The following GPHN variants were observed in gnomAD, a reference collection of about 807,000 sequenced individuals.
GPHN encodes the protein gephyrin.
In GPHN, 17 loss-of-function variants were observed where a neutral mutation model predicts 95.5. The ratio of observed to expected loss-of-function variants is 0.18; its 90% CI spans 0.12 to 0.27. GPHN has a LOEUF of 0.27. GPHN is among the 10% of genes least tolerant of loss of function. The probability of loss-of-function intolerance (pLI) is 1.00; values close to 1 mark genes in which losing one functional copy is unlikely to be tolerated. For synonymous variants in GPHN, 320 were observed against 322.5 expected (o/e 0.99, Z 0.08); for missense variants, 660 against 978.1 (o/e 0.67, Z 4.34).
At chr14:67,307,828 A>G in the GPHN span, among the ~76,000 whole-genome samples, 2 of 152,182 alleles carry the variant, frequency 1.3e-5, no homozygotes, top group African/African-American at 4.8e-5. Flanking sequence ...TGTGGAATCA[A>G]CCTAAATGCC....
chr14:67,726,197 ATCTTT>A, the GPHN span: 2 of 1,140,810 alleles, frequency 1.8e-6, no homozygotes, highest in African/African-American at 3.0e-5. Flanking sequence ...TACACCCACT[ATCTTT>A]TCTTTAGGAA....
At chr14:66,837,503 G>A (rs1383839733) in intron 4 of GPHN, among the ~76,000 whole-genome samples, 1 of 149,052 alleles carries the variant, frequency 6.7e-6, no homozygotes, top group Admixed American at 6.7e-5. Context: ...TAGATGACGA[G>A]TTAGTGGGTG....
the GPHN span, chr14:67,600,328 G>C: frequency 3.8e-6 from 3 of 789,018 alleles, no homozygotes; most frequent in East Asian, 3.1e-5. Context: ...AGCCTGCGCA[G>C]CCTCAGTTGC....
At chr14:66,969,816 AAAAG>A (rs1405750710) in intron 9 of GPHN, 8 of 151,714 alleles carry the variant, frequency 5.3e-5, no homozygotes, top group East Asian at 3.8e-4. Context: ...AAAAAAAAAA[AAAAG>A]AAAGAAAGGA....
chr14:67,364,704 T>C, the GPHN span: 30 of 1,481,342 alleles, frequency 2.0e-5, no homozygotes, highest in African/African-American at 4.2e-4. Context: ...GATGTGGAAA[T>C]TGATTTTTTT....
At chr14:67,477,617 A>G in the GPHN span, among the ~76,000 whole-genome samples, 1 of 151,928 alleles carries the variant, frequency 6.6e-6, no homozygotes, top group Non-Finnish European at 1.5e-5. Context: ...CAGGCATCCC[A>G]AACTCCTTTC....
chr14:66,745,379 A>G (rs1177099835), intron 2 of GPHN, among the ~76,000 whole-genome samples: 1 of 152,050 alleles, frequency 6.6e-6, no homozygotes, highest in Non-Finnish European at 1.5e-5. Context: ...CCCTAAAATT[A>G]AGGACATTGT....
intron 5 of GPHN, among the ~76,000 whole-genome samples, chr14:66,892,484 T>G (rs560296205): frequency 2.8e-4 from 43 of 152,316 alleles, no homozygotes; most frequent in Admixed American, 1.4e-3. Flanking sequence ...ACATCATTAT[T>G]CACCTTACCC....
At chr14:67,015,628 C>T (rs957019289) in intron 9 of GPHN, among the ~76,000 whole-genome samples, 1 of 151,946 alleles carries the variant, frequency 6.6e-6, no homozygotes, top group Non-Finnish European at 1.5e-5. Context: ...ACCTGAGAGG[C>T]GGAGGTTGCA....
intron 21 of GPHN, among the ~76,000 whole-genome samples, chr14:67,177,613 G>A (rs544630334): frequency 1.1e-4 from 16 of 152,282 alleles, no homozygotes; most frequent in Admixed American, 4.6e-4. Flanking sequence ...CCAAAGCTGA[G>A]TTCAAGTCCT....
chr14:67,179,617 C>T lies in GPHN; in HGVS notation c.2119C>T (p.His707Tyr). The change falls in exon 22 of 23, where the codon CAT becomes TAT. Residue 707 changes from histidine to tyrosine, a missense_variant. By Grantham distance (83) the His-to-Tyr change is moderately conservative (BLOSUM62 2). Around this residue, in one of 6 missense-constraint regions of GPHN, gnomAD observed 48 missense variants for 137.4 expected, o/e 0.35. Coordinates refer to ENST00000478722, the MANE Select transcript of GPHN (RefSeq NM_020806.5). ...AAAACTTGATCCTCGTCCAGAATAC[C>T]ATCGGTGTATACTAACTTGGCATCA... Reference protein sequence around the residue: ...DVKLDPRPEYHRCILTWHHQE... With the variant: ...DVKLDPRPEYYRCILTWHHQE... 2 of 1,609,316 alleles carry T rather than the reference C, an allele frequency of 1.2e-6. No individual in the cohort carries two copies. The highest frequency in any genetic ancestry group is 1.7e-5 in the Admixed American group (1 of 59,974).
At chr14:67,592,616 A>G in the GPHN span, 3 of 1,479,550 alleles carry the variant, frequency 2.0e-6, no homozygotes, top group Non-Finnish European at 2.8e-6. Context: ...GGAGAATGGT[A>G]AAAGTATTCT....
At chr14:67,644,756 T>C in the GPHN span, among the ~76,000 whole-genome samples, 59 of 152,288 alleles carry the variant, frequency 3.9e-4, no homozygotes, top group African/African-American at 1.4e-3. Context: ...CCTAGCACTT[T>C]GGGAGGCTGA....
At chr14:67,353,614 A>C in the GPHN span, 5,352 of 152,432 alleles carry the variant, frequency 0.035, 120 homozygotes, top group East Asian at 0.077. Flanking sequence ...CAGCCTCCCA[A>C]GTAGCTAGAA....
chr14:66,686,576 CTTGTGATTT>C (rs2153401759), intron 2 of GPHN, among the ~76,000 whole-genome samples: 2 of 152,274 alleles, frequency 1.3e-5, no homozygotes, highest in African/African-American at 4.8e-5. Context: ...TATAAGAATG[CTTGTGATTT>C]TTGCACATTG....
At chr14:67,324,952 T>G in the GPHN span, among the ~76,000 whole-genome samples, 1 of 139,398 alleles carries the variant, frequency 7.2e-6, no homozygotes, top group Non-Finnish European at 1.5e-5. Context: ...TCACCCAGGC[T>G]GGAGTGCAGT....
rs1211337011 is a variant in GPHN, at chr14:66,531,359, T to A, written c.64+22768T>A. Among the ~76,000 whole-genome samples the A allele has an allele frequency of 3.3e-5, 5 of 152,188 alleles. No homozygotes were observed. The East Asian group carries it at 7.8e-4, about 24-fold the overall frequency. On this transcript the variant is annotated intron_variant, in intron 1 of 22. Coordinates refer to ENST00000478722, the MANE Select transcript of GPHN (RefSeq NM_020806.5). ...CTGAGGCAGGAGAATCACTTGAACC[T>A]GGGAGGCGGAGGTTGCAGTGAGCCA...
the GPHN span, chr14:67,584,178 CAT>C: frequency 6.3e-7 from 1 of 1,575,768 alleles, no homozygotes; most frequent in Non-Finnish European, 8.6e-7. Flanking sequence ...CCCAACTGCT[CAT>C]GTTTGAGCCA....
At chr14:66,928,120 C>A (rs2066582976) in intron 8 of GPHN, among the ~76,000 whole-genome samples, 1 of 152,038 alleles carries the variant, frequency 6.6e-6, no homozygotes, top group African/African-American at 2.4e-5. Context: ...GGTATCGGTT[C>A]TTCTTTAAAT....
Sources: gnomAD v4.1 joint callset for allele counts (sites outside exome capture counted in the v4.1 genomes callset) on GRCh38, gnomAD v4.1.1 for gene constraint, gnomAD v4.1.1 regional missense constraint, MANE v1.5 for transcripts, NCBI Gene and HGNC (gene_info 2026-07-23, HGNC 2026-07-21) for gene names.